MTMR10: variants seen among roughly 807,000 people sequenced by gnomAD.
MTMR10 encodes the protein myotubularin related protein 10.
MTMR10 carries 56 observed loss-of-function variants against 88.1 expected under a neutral mutation model. That is an observed-to-expected ratio of 0.64 (90% CI 0.51 to 0.79). The LOEUF (loss-of-function observed/expected upper bound fraction) is 0.79, where lower values mean the gene tolerates loss of function less well. MTMR10 is among the 30% of genes least tolerant of loss of function. MTMR10 has a pLI of 0.00. For synonymous variants in MTMR10, 380 were observed against 340.9 expected, an observed-to-expected ratio of 1.11 and a Z score of -1.26; for missense variants, 883 against 924.7, an observed-to-expected ratio of 0.95 and a Z score of 0.58.
intron 5 of MTMR10, among the ~76,000 whole-genome samples, chr15:30,972,960 C>G (rs1381801788): frequency 1.3e-5 from 2 of 152,158 alleles, no homozygotes; most frequent in Non-Finnish European, 2.9e-5. Flanking sequence ...CTCAATCTAG[C>G]AAGTTCTGTG....
chr15:30,969,295 G>A (rs537114720), intron 5 of MTMR10, among the ~76,000 whole-genome samples: 1 of 151,978 alleles, frequency 6.6e-6, no homozygotes, highest in African/African-American at 2.4e-5. Context: ...AAACTTACGT[G>A]GTATCTCGAT....
At chr15:30,935,091 G>A (rs1025231145), downstream of MTMR10, among the ~76,000 whole-genome samples, 1 of 151,780 alleles carries the variant, frequency 6.6e-6, no homozygotes, top group Non-Finnish European at 1.5e-5. Flanking sequence ...GGATTGCTTG[G>A]GCTCAGGAGT....
chr15:30,968,979 T>C (rs1438832396), intron 5 of MTMR10, among the ~76,000 whole-genome samples: 1 of 152,122 alleles, frequency 6.6e-6, no homozygotes, highest in Non-Finnish European at 1.5e-5. Flanking sequence ...AAGGAAAACA[T>C]AGCAGAAAAA....
chr15:30,925,653 G>A, the MTMR10 span: 1 of 1,003,926 alleles, frequency 1.0e-6, no homozygotes, highest in African/African-American at 1.6e-5. Flanking sequence ...TTCTGCGTGT[G>A]TGAGCCCCAC....
At chr15:30,980,228 G>C (rs1419662625) in intron 2 of MTMR10, among the ~76,000 whole-genome samples, 1 of 152,214 alleles carries the variant, frequency 6.6e-6, no homozygotes, top group Non-Finnish European at 1.5e-5. Flanking sequence ...CCACTCACAG[G>C]AGTGATGAGG....
chr15:30,967,083 TTGTA>T (rs1171561422), intron 6 of MTMR10, among the ~76,000 whole-genome samples: 2 of 152,084 alleles, frequency 1.3e-5, no homozygotes, highest in African/African-American at 2.4e-5. Context: ...AATTAATAAT[TTGTA>T]TGGCCCAGAG....
chr15:30,941,224 A>AC lies in MTMR10; in HGVS notation c.*245dup. 7.1e-7 allele frequency: 1 copy of AC among 1,405,944 alleles called. No homozygotes were observed. Among genetic ancestry groups the AC allele is most frequent in the South Asian group, 1.2e-5 (1 of 82,088 alleles). The allele number at this position is 1,405,944 out of a possible 1,614,324, so 87.1% of individuals were successfully genotyped here. A position where few individuals can be genotyped will look rare whatever the true frequency, so the allele number is the denominator to read the frequency against. On this transcript the variant is annotated 3_prime_UTR_variant, in exon 16 of 16. Coordinates refer to ENST00000435680, the MANE Select transcript of MTMR10 (RefSeq NM_017762.3). The stretch of plus-strand genomic sequence containing the variant: ...GACAAAAATGTAGCAGACAACATGA[A>AC]CAGTTTGATCACGGTTACAAGAGCC...
At position 30,939,201 on chromosome 15, in the gene MTMR10, T is replaced by C; in HGVS notation, c.*2269A>G. 1.0e-6 allele frequency: 1 copy of C among 985,386 alleles called. No homozygotes were observed. The highest frequency in any genetic ancestry group is 4.7e-5 in the South Asian group (1 of 21,278). The allele number at this position is 985,386 out of a possible 1,614,324, so 61.0% of individuals were successfully genotyped here. On this transcript the variant is annotated 3_prime_UTR_variant, in exon 16 of 16. Coordinates refer to ENST00000435680, the MANE Select transcript of MTMR10 (RefSeq NM_017762.3). ...ATATCCTTTCCTTAAATAAAGTTAG[T>C]TAGCTATTTTTGGTTTCAAAATCAG...
chr15:30,968,124 T>G, intron 5 of MTMR10, 114 bp from the exon 6 acceptor site: 1 of 673,522 alleles, frequency 1.5e-6, no homozygotes, highest in South Asian at 2.4e-5. Context: ...ATAGATACTA[T>G]TTACATGTTT....
chr15:30,983,124 G>A (rs1249296659), intron 2 of MTMR10, among the ~76,000 whole-genome samples: 1 of 152,166 alleles, frequency 6.6e-6, no homozygotes, highest in African/African-American at 2.4e-5. Flanking sequence ...ACGGCTGGCT[G>A]GCCTGCTTGT....
chr15:30,924,325 G>A, the MTMR10 span, among the ~76,000 whole-genome samples: 1 of 152,130 alleles, frequency 6.6e-6, no homozygotes, highest in East Asian at 1.9e-4. Flanking sequence ...TCAGTCCCTG[G>A]TTTCAATTCT....
intron 9 of MTMR10, chr15:30,956,255 T>C (rs544460037): frequency 2.0e-5 from 3 of 152,374 alleles, no homozygotes; most frequent in African/African-American, 7.2e-5. Context: ...CATTAAAATA[T>C]GTAATGTGTC....
chr15:30,985,928 T>C (rs2030910513), intron 2 of MTMR10, among the ~76,000 whole-genome samples: 1 of 152,180 alleles, frequency 6.6e-6, no homozygotes, highest in Non-Finnish European at 1.5e-5. Flanking sequence ...CAGGGTGGGT[T>C]ATTAACCTTG....
chr15:30,943,832 T>C (rs1233510961), intron 14 of MTMR10: 1 of 985,294 alleles, frequency 1.0e-6, no homozygotes, highest in African/African-American at 1.7e-5. Context: ...ACCATTTCTA[T>C]GAAGCACAGT....
At chr15:30,966,342 G>C (rs1207333632) in intron 6 of MTMR10, among the ~76,000 whole-genome samples, 2 of 152,174 alleles carry the variant, frequency 1.3e-5, no homozygotes, top group Non-Finnish European at 2.9e-5. Context: ...GAAAAATGTG[G>C]AAAGTAACTG....
intron 6 of MTMR10, chr15:30,965,955 C>A (rs2063467345): frequency 2.2e-6 from 1 of 447,952 alleles, no homozygotes. Flanking sequence ...GAGTGGGCAT[C>A]TTTCACTCAC....
At chr15:30,984,505 T>C (rs1394291475) in intron 2 of MTMR10, among the ~76,000 whole-genome samples, 1 of 152,160 alleles carries the variant, frequency 6.6e-6, no homozygotes, top group Admixed American at 6.5e-5. Flanking sequence ...CATAAAACAC[T>C]TGAAAGATAA....
the MTMR10 span, among the ~76,000 whole-genome samples, chr15:30,931,873 T>C: frequency 6.6e-6 from 1 of 152,070 alleles, no homozygotes; most frequent in South Asian, 2.1e-4. Context: ...TTGTTCTGGC[T>C]CTTTTGCATT....
chr15:30,939,641 A>C lies in MTMR10; in HGVS notation c.*1829T>G, dbSNP rs1031893685. The stretch of plus-strand genomic sequence containing the variant: ...TTAAACTTGTAAATTAACAACAATA[A>C]AATACTACAAGAGTTAAAATAAACG... On this transcript the variant is annotated 3_prime_UTR_variant, in exon 16 of 16. Transcript: ENST00000435680. 7.8e-6 allele frequency: 7 copies of C among 892,396 alleles called. No homozygotes were observed. The highest frequency in any genetic ancestry group is 5.6e-4 in the Middle Eastern group (1 of 1,794). The allele number at this position is 892,396 out of a possible 1,614,324, so 55.3% of individuals were successfully genotyped here.
Sources: gnomAD v4.1 joint callset for allele counts (sites outside exome capture counted in the v4.1 genomes callset) on GRCh38, gnomAD v4.1.1 for gene constraint, MANE v1.5 for transcripts, NCBI Gene and HGNC (gene_info 2026-07-23, HGNC 2026-07-21) for gene names.